Variants in AGBL5 observed in about 807,000 individuals in gnomAD.
AGBL5 encodes cytosolic carboxypeptidase-like protein 5.
Under a neutral mutation model 88.0 loss-of-function variants are expected in AGBL5, and 51 were observed. The observed-to-expected ratio is 0.58, with a 90% CI of 0.46 to 0.73. The LOEUF is 0.73. AGBL5 is among the 30% of genes least tolerant of loss of function. AGBL5 has a pLI of 0.00. For synonymous variants in AGBL5, 446 were observed against 438.8 expected (o/e 1.02, Z -0.21); for missense variants, 1,031 against 1,162.2 (o/e 0.89, Z 1.64).
In AGBL5 at chr2:27,055,059, C is replaced by G; in HGVS notation, c.730-16C>G. The stretch of plus-strand genomic sequence containing the variant: ...CAGGGTAACTGACTTAATGTCTGCT[C>G]TCCTCTCTACCTCAGATATTCTTCT... On this transcript the variant is annotated splice_polypyrimidine_tract_variant and intron_variant, in intron 5 of 14. Transcript: ENST00000360131. 6.2e-7 allele frequency: 1 copy of G among 1,611,838 alleles called. No homozygotes were observed. The highest frequency in any genetic ancestry group is 8.5e-7 in the Non-Finnish European group (1 of 1,178,052).
chr2:27,055,569 T>G, intron 6 of AGBL5, 113 bp from the exon 7 acceptor site: 1 of 1,000,688 alleles, frequency 1.0e-6, no homozygotes, highest in Non-Finnish European at 1.4e-6. Flanking sequence ...CTAACATAGC[T>G]TCAGCCTCTC....
chr2:27,070,032 G>C (rs1669202024), intron 14 of AGBL5, 60 bp from the exon 15 acceptor site: 10 of 1,559,626 alleles, frequency 6.4e-6, no homozygotes, highest in Non-Finnish European at 8.7e-6. Flanking sequence ...CCCCTGGTTA[G>C]CAGAACAGAA....
At chr2:27,051,935 G>T (rs1163316395) in intron 1 of AGBL5, 142 bp downstream of exon 1, 2 of 140,710 alleles carry the variant, frequency 1.4e-5, no homozygotes, top group African/African-American at 5.2e-5. Flanking sequence ...ACGCGGTCCC[G>T]ACCCCGCCCA....
Position 27,055,261 on chromosome 2 carries a change from G to T in AGBL5, c.908+8G>T. On this transcript the variant is annotated splice_region_variant and intron_variant, in intron 6 of 14. Transcript: ENST00000360131. ...GGTCCGGGGACACTACCGGTAAGTG[G>T]CTTCCCCAGCCTGTCTGGACTGTTC... 6.2e-7 allele frequency: 1 copy of T among 1,613,484 alleles called. No homozygotes were observed. Among genetic ancestry groups the T allele is most frequent in the South Asian group, 1.1e-5 (1 of 91,040 alleles).
Position 27,070,076 on chromosome 2 carries a change from CTCTT to C in AGBL5, c.2490-14_2490-11del. The C allele has an allele frequency of 6.2e-7, 1 of 1,606,682 alleles. No individual in the cohort carries two copies. On this transcript the variant is annotated splice_polypyrimidine_tract_variant and intron_variant, in intron 14 of 14. Coordinates refer to ENST00000360131, the MANE Select transcript of AGBL5 (RefSeq NM_021831.6). ...GAGTTTTCACAGCCCTGATTCCTCT[CTCTT>C]TTCTGTTGCAGGCTGCCTCAGGCCA... is the stretch of plus-strand genomic sequence containing the variant.
At chr2:27,059,537 C>G (rs1668606536) in intron 11 of AGBL5, 133 bp downstream of exon 11, 2 of 1,527,072 alleles carry the variant, frequency 1.3e-6, no homozygotes, top group East Asian at 2.3e-5. Flanking sequence ...GTAGCAGAAC[C>G]TGTGGCCTCT....
upstream of AGBL5, among the ~76,000 whole-genome samples, chr2:27,050,785 T>A (rs1346658643): frequency 6.6e-6 from 1 of 152,194 alleles, no homozygotes; most frequent in Non-Finnish European, 1.5e-5. Flanking sequence ...AGCGGAGCCT[T>A]CGATAGCTCA....
rs1000724026 is a variant in AGBL5, at chr2:27,053,783, G to A, written c.388-113G>A. 5.5e-6 allele frequency: 8 copies of A among 1,452,724 alleles called. No individual in the cohort carries two copies. The highest frequency in any genetic ancestry group is 2.3e-5 in the Admixed American group (1 of 44,130). 90.0% of individuals were successfully genotyped at this position (1,452,724 alleles called of 1,614,324 possible). On this transcript the variant is annotated intron_variant, in intron 3 of 14. Transcript: ENST00000360131. This position sits in a 1 kb window ranked among gnomAD's most constrained non-coding sequence, Gnocchi z 4.9. ...CTTTTCATATAGAAAGTGTCACAGG[G>A]AGGGAAGTTGGTAAAGGTGATAAGG...
intron 11 of AGBL5, among the ~76,000 whole-genome samples, chr2:27,063,995 TGAA>T (rs1436217434): frequency 1.3e-5 from 2 of 152,212 alleles, no homozygotes; most frequent in Non-Finnish European, 2.9e-5. Flanking sequence ...TGGGGTAGGG[TGAA>T]GGTTTGTCCC....
chr2:27,053,506 C>A lies in AGBL5; in HGVS notation c.320C>A (p.Ala107Asp). 1 of 1,614,122 alleles carries A rather than the reference C, an allele frequency of 6.2e-7. No homozygotes were observed. Among genetic ancestry groups the A allele is most frequent in the South Asian group, 1.1e-5 (1 of 91,080 alleles). ...KQSKLYSQGM[A>D]PFVRTLPTRP... ...AGCAAGCTGTATTCCCAGGGCATGG[C>A]CCCCTTTGTGCGCACACTGCCCACC... Residue 107 changes from alanine to aspartate, a missense_variant, in exon 3 of 15, where the codon GCC becomes GAC. Physicochemically the swap from Ala to Asp is moderately radical, Grantham distance 126. Coordinates refer to ENST00000360131, the MANE Select transcript of AGBL5 (RefSeq NM_021831.6). The surrounding 1 kb of genome is among the most constrained non-coding windows in gnomAD (Gnocchi z 4.9).
At chr2:27,067,837 T>C (rs1572835985) in intron 12 of AGBL5, 191 bp downstream of exon 12, 3 of 698,330 alleles carry the variant, frequency 4.3e-6, no homozygotes, top group East Asian at 2.7e-5. Context: ...TAGTTAACAT[T>C]TACTGAACAT....
chr2:27,050,784 T>C (rs190321195), upstream of AGBL5, among the ~76,000 whole-genome samples: 2 of 152,326 alleles, frequency 1.3e-5, no homozygotes, highest in East Asian at 1.9e-4. Context: ...CAGCGGAGCC[T>C]TCGATAGCTC....
chr2:27,054,348 C>G (rs1231201199), intron 4 of AGBL5: 9 of 555,588 alleles, frequency 1.6e-5, no homozygotes, highest in Non-Finnish European at 2.5e-5. Context: ...ACTCAGTATA[C>G]CTTTTTTATC....
Position 27,068,961 on chromosome 2 carries a change from T to C in AGBL5, c.2355+217T>C. 7.4e-6 allele frequency: 11 copies of C among 1,491,766 alleles called. No individual in the cohort carries two copies. The South Asian group carries it at 1.3e-4, about 18-fold the overall frequency. The allele number at this position is 1,491,766 out of a possible 1,614,324, so 92.4% of individuals were successfully genotyped here. A position where few individuals can be genotyped will look rare whatever the true frequency, so the allele number is the denominator to read the frequency against. ...AGGTCATTTGCTTGCTTTCAACCTG[T>C]GTCCCTGCCAGATATACCCCAACCT... On this transcript the variant is annotated intron_variant, in intron 13 of 14. Transcript: ENST00000360131.
intron 8 of AGBL5, 55 bp downstream of exon 8, chr2:27,056,847 GT>G: frequency 3.9e-6 from 6 of 1,522,710 alleles, no homozygotes; most frequent in Non-Finnish European, 5.3e-6. Context: ...AGAAAACACC[GT>G]AGCTGGGTGT....
intron 1 of AGBL5, 25 bp from the exon 2 acceptor site, chr2:27,052,888 T>G (rs542572820): frequency 1.3e-4 from 176 of 1,388,938 alleles, no homozygotes; most frequent in Non-Finnish European, 1.6e-4. Context: ...CTTTCCTCCT[T>G]AACCTAACCC....
chr2:27,054,225 T>C, intron 4 of AGBL5, 166 bp downstream of exon 4: 1 of 849,422 alleles, frequency 1.2e-6, no homozygotes, highest in Non-Finnish European at 1.7e-6. Context: ...TGTTTCTGTA[T>C]GACCCTGATC....
At chr2:27,056,316 C>T in intron 7 of AGBL5, 178 bp downstream of exon 7, 3 of 653,782 alleles carry the variant, frequency 4.6e-6, no homozygotes, top group South Asian at 4.1e-5. Flanking sequence ...GATAATGTCT[C>T]AATTGTTACA....
rs377620315 is a variant in AGBL5, at chr2:27,055,869, G to A, written c.1096G>A (p.Glu366Lys). 6.2e-6 allele frequency: 10 copies of A among 1,614,196 alleles called. No homozygotes were observed. Among genetic ancestry groups the A allele is most frequent in the Non-Finnish European group, 8.5e-6 (10 of 1,180,038 alleles). Residue 366 changes from glutamate (E) to lysine (K), a missense_variant, in exon 7 of 15, where the codon GAG becomes AAG. Glu to Lys is a moderately conservative substitution (Grantham distance 56). This residue lies in a region of AGBL5 where 540 missense variants were observed against 678.2 expected (regional missense o/e 0.80). Transcript: ENST00000360131. ...LPPDAPVSDL[E>K]KANNLQNEAQ... ...TCCTGATGCTCCTGTTTCTGACCTG[G>A]AGAAAGCCAACAATCTCCAAAATGA...
Sources: allele counts gnomAD v4.1 joint callset (sites outside exome capture counted in the v4.1 genomes callset), GRCh38; gene constraint gnomAD v4.1.1; regional missense constraint gnomAD v4.1.1; non-coding constraint Gnocchi (gnomAD v3.1); transcripts MANE v1.5; gene names NCBI Gene and HGNC (gene_info 2026-07-23, HGNC 2026-07-21).